Variants in ZNF777 observed in about 807,000 individuals in gnomAD.
ZNF777 encodes zinc finger protein 777.
Under a neutral mutation model 72.1 loss-of-function variants are expected in ZNF777, and 7 were observed. The observed-to-expected ratio is 0.10, with a 90% CI of 0.06 to 0.18. ZNF777 has a LOEUF of 0.18. Ranked by LOEUF, ZNF777 falls within the 10% of genes least tolerant of loss-of-function variation. The probability of loss-of-function intolerance (pLI) is 1.00; values close to 1 mark genes in which losing one functional copy is unlikely to be tolerated. For synonymous variants in ZNF777, 545 were observed against 483.5 expected, an observed-to-expected ratio of 1.13 and a Z score of -1.67; for missense variants, 828 against 1,128.6, an observed-to-expected ratio of 0.73 and a Z score of 3.82.
intron 5 of ZNF777, among the ~76,000 whole-genome samples, chr7:149,434,940 A>C (rs1037677566): frequency 6.6e-6 from 1 of 151,956 alleles, no homozygotes; most frequent in Non-Finnish European, 1.5e-5. Context: ...TGGCCCTAAA[A>C]CTCAAGACTC....
chr7:149,442,571 G>A (rs1799539630), intron 4 of ZNF777, among the ~76,000 whole-genome samples: 1 of 150,874 alleles, frequency 6.6e-6, no homozygotes, highest in Admixed American at 6.6e-5. Flanking sequence ...AGTGAGCTGA[G>A]ATAGCGCCAC....
chr7:149,432,879 C>T lies in ZNF777; in HGVS notation c.1393G>A (p.Glu465Lys). The change falls in exon 6 of 6, where the codon GAG becomes AAG. Residue 465 changes from glutamate to lysine, a missense_variant. Physicochemically the swap from Glu to Lys is moderately conservative, Grantham distance 56. Transcript: ENST00000247930. ...EQDEEEEEEE[E>K]DELPQHLQSL... is the part of the protein sequence containing the mutation. ...TGCAAGTGCTGCGGCAGCTCATCCT[C>T]CTCCTCCTCTTCTTCCTCCTCGTCT... 1 of 1,549,124 alleles carries T rather than the reference C, an allele frequency of 6.5e-7. No individual in the cohort carries two copies. Among genetic ancestry groups the T allele is most frequent in the Non-Finnish European group, 8.7e-7 (1 of 1,148,604 alleles).
chr7:149,458,044 TTA>T lies in ZNF777; in HGVS notation c.-15-2009_-15-2008del, dbSNP rs1799866441. Among the ~76,000 whole-genome samples, 3 of 152,166 alleles carry T rather than the reference TTA, an allele frequency of 2.0e-5. No individual in the cohort carries two copies. In the South Asian group the frequency reaches 6.2e-4, roughly 32 times the overall value. ...TAAAATCCCGAGGCCTGGATATTAT[TTA>T]TACACAAAGACCTGTGGCAGGTTTG... is the stretch of plus-strand genomic sequence containing the variant. On this transcript the variant is annotated intron_variant, in intron 1 of 5. Transcript: ENST00000247930.
At chr7:149,450,241 C>T (rs930843002) in intron 4 of ZNF777, among the ~76,000 whole-genome samples, 4 of 152,180 alleles carry the variant, frequency 2.6e-5, no homozygotes, top group East Asian at 1.9e-4. Context: ...ACCACAAGAG[C>T]GCCTGCAGTG....
At position 149,436,382 on chromosome 7, in the gene ZNF777, G is replaced by C. The variant is rs1417773287; in HGVS notation, c.1339+193C>G. 1.3e-5 allele frequency among the ~76,000 whole-genome samples: 2 copies of C among 152,114 alleles called. No individual in the cohort carries two copies. The highest frequency in any genetic ancestry group is 4.8e-5 in the African/African-American group (2 of 41,420). Reference sequence around the variant, plus strand: ...TTAGATGTAACCACTTCTTTCCTAGGTTGGAGACGGATTCTTACAAGTCCC... The same window carrying C: ...TTAGATGTAACCACTTCTTTCCTAGCTTGGAGACGGATTCTTACAAGTCCC... On this transcript the variant is annotated intron_variant, in intron 5 of 5. Transcript: ENST00000247930. This position sits in a 1 kb window ranked among gnomAD's most constrained non-coding sequence, Gnocchi z 5.0.
At chr7:149,457,030 G>A (rs1358557769) in intron 1 of ZNF777, among the ~76,000 whole-genome samples, 1 of 152,318 alleles carries the variant, frequency 6.6e-6, no homozygotes, top group Middle Eastern at 3.4e-3. Flanking sequence ...TGGGGAATGA[G>A]GAAGTAGTGA....
chr7:149,451,488 C>T (rs191248957), intron 3 of ZNF777, among the ~76,000 whole-genome samples: 2 of 152,050 alleles, frequency 1.3e-5, no homozygotes, highest in African/African-American at 4.8e-5. Context: ...GTCAGGAGTT[C>T]GGGACCAGCC....
Position 149,431,756 on chromosome 7 carries a change from G to T in ZNF777, c.*20C>A. 6.9e-7 allele frequency: 1 copy of T among 1,458,716 alleles called. No individual in the cohort carries two copies. The highest frequency in any genetic ancestry group is 9.0e-7 in the Non-Finnish European group (1 of 1,116,868). 90.4% of individuals were successfully genotyped at this position (1,458,716 alleles called of 1,614,324 possible). A position where few individuals can be genotyped will look rare whatever the true frequency, so the allele number is the denominator to read the frequency against. On this transcript the variant is annotated 3_prime_UTR_variant, in exon 6 of 6. Transcript: ENST00000247930. ...GCACGGCCCGCGCACCTGGCCGGGC[G>T]GCGGCGGCGGGGCGCGCGCTCACTC...
intron 4 of ZNF777, among the ~76,000 whole-genome samples, chr7:149,443,644 T>C (rs1056416315): frequency 1.3e-5 from 2 of 152,216 alleles, no homozygotes; most frequent in African/African-American, 4.8e-5. Flanking sequence ...AAACTTCTTT[T>C]TTTTGAGACG....
chr7:149,454,367 T>G, intron 2 of ZNF777, 130 bp from the exon 3 acceptor site: 1 of 1,162,100 alleles, frequency 8.6e-7, no homozygotes, highest in Non-Finnish European at 1.2e-6. Flanking sequence ...CTGGCCACTG[T>G]CCTGGCCCCA....
At chr7:149,448,385 G>A (rs957774426) in intron 4 of ZNF777, among the ~76,000 whole-genome samples, 2 of 150,502 alleles carry the variant, frequency 1.3e-5, no homozygotes, top group Non-Finnish European at 3.0e-5. Flanking sequence ...CAAGAGAATT[G>A]CTTGAACCAG....
Position 149,436,517 on chromosome 7 carries a change from G to A in ZNF777, c.1339+58C>T, listed in dbSNP as rs1361152610. ...GAACCACAGCTTTCCCAGGGGGCAGGGGCCCTCTGGGAGGCCTCATGGCAA... is the reference window on the plus strand; with the variant it reads ...GAACCACAGCTTTCCCAGGGGGCAGAGGCCCTCTGGGAGGCCTCATGGCAA... On this transcript the variant is annotated intron_variant, in intron 5 of 5. Transcript: ENST00000247930. The surrounding 1 kb of genome is among the most constrained non-coding windows in gnomAD (Gnocchi z 5.0). The A allele has an allele frequency of 1.4e-5, 22 of 1,526,314 alleles. No homozygotes were observed. Among genetic ancestry groups the A allele is most frequent in the South Asian group, 2.5e-5 (2 of 80,228 alleles). The allele number at this position is 1,526,314 out of a possible 1,614,324, so 94.5% of individuals were successfully genotyped here.
intron 5 of ZNF777, among the ~76,000 whole-genome samples, chr7:149,433,182 A>G (rs955496310): frequency 5.9e-5 from 9 of 152,212 alleles, no homozygotes; most frequent in African/African-American, 1.9e-4. Flanking sequence ...GGCTAAAAAG[A>G]GTCCTCTTTG....
rs1387836306 is a variant in ZNF777 at position 149,460,037 on chromosome 7, CCAGGCCGGGCCGCCGAGCCCGGGACACG to C, written c.-16+750_-16+777del. On this transcript the variant is annotated intron_variant, in intron 1 of 5. Transcript: ENST00000247930. This position sits in a 1 kb window ranked among gnomAD's most constrained non-coding sequence, Gnocchi z 6.1. ...AGCGTTTCTGCCCCTTACCGAGATC[CCAGGCCGGGCCGCCGAGCCCGGGACACG>C]CAGGCCGTCCCCGGGGCCCCGAGGC... 1.0e-6 allele frequency: 1 copy of C among 982,052 alleles called. No individual in the cohort carries two copies. Among genetic ancestry groups the C allele is most frequent in the Non-Finnish European group, 1.2e-6 (1 of 828,434 alleles). 60.8% of individuals were successfully genotyped at this position (982,052 alleles called of 1,614,324 possible).
At chr7:149,452,826 G>T (rs1799750682) in intron 3 of ZNF777, among the ~76,000 whole-genome samples, 1 of 152,154 alleles carries the variant, frequency 6.6e-6, no homozygotes, top group Admixed American at 6.6e-5. Flanking sequence ...AACTATAAAT[G>T]TGCATCCTGT....
At chr7:149,448,313 T>A (rs1465067678) in intron 4 of ZNF777, among the ~76,000 whole-genome samples, 1 of 150,282 alleles carries the variant, frequency 6.7e-6, no homozygotes, top group Non-Finnish European at 1.5e-5. Context: ...TAAAGAAAAG[T>A]AAAAAAATTA....
At chr7:149,433,137 C>T (rs1359792549) in intron 5 of ZNF777, among the ~76,000 whole-genome samples, 2 of 152,218 alleles carry the variant, frequency 1.3e-5, no homozygotes, top group Non-Finnish European at 2.9e-5. Context: ...ACTGGCCTTG[C>T]TGTTTGCTTC....
intron 4 of ZNF777, among the ~76,000 whole-genome samples, chr7:149,437,033 G>A (rs1352573989): frequency 2.0e-5 from 3 of 152,158 alleles, no homozygotes; most frequent in African/African-American, 7.2e-5. Flanking sequence ...CTGTAGTCAA[G>A]TTAAAATAGA....
chr7:149,441,834 T>G (rs1399430771), intron 4 of ZNF777, among the ~76,000 whole-genome samples: 1 of 151,988 alleles, frequency 6.6e-6, no homozygotes, highest in Non-Finnish European at 1.5e-5. Context: ...AAAAAATATT[T>G]TATTTTGTGT....
Sources: allele counts gnomAD v4.1 joint callset (sites outside exome capture counted in the v4.1 genomes callset), GRCh38; gene constraint gnomAD v4.1.1; non-coding constraint Gnocchi (gnomAD v3.1); transcripts MANE v1.5; gene names NCBI Gene and HGNC (gene_info 2026-07-23, HGNC 2026-07-21).